VWA8: variants seen among roughly 807,000 people sequenced by gnomAD.
VWA8 encodes von Willebrand factor A domain containing 8.
In VWA8, 221 loss-of-function variants were observed where a neutral mutation model predicts 241.5. That is an observed-to-expected ratio of 0.91 (90% confidence interval 0.82 to 1.02). The LOEUF (loss-of-function observed/expected upper bound fraction) is 1.02. Among genes scored for constraint, VWA8 ranks in the 50% least tolerant of loss-of-function variants. VWA8 has a pLI of 0.00. For missense variants in VWA8, 2,322 were observed against 2,328.7 expected, an observed-to-expected ratio of 1.00 and a Z score of 0.06; for synonymous variants, 852 against 827.1, an observed-to-expected ratio of 1.03 and a Z score of -0.52.
rs371027483 is a variant in VWA8, at chr13:41,816,680, G to A, written c.1947+18C>T. On this transcript the variant is annotated intron_variant, in intron 16 of 44. Coordinates refer to ENST00000379310, the MANE Select transcript of VWA8 (RefSeq NM_015058.2). ...CATGTCAACAATAGAAAATCCTGTG[G>A]AAAAAGCCTAGACTTACCGTTGGAT... The A allele has an allele frequency of 8.1e-6, 13 of 1,601,664 alleles. No individual in the cohort carries two copies. The African/African-American group carries it at 1.6e-4, about 20-fold the overall frequency.
intron 21 of VWA8, among the ~76,000 whole-genome samples, chr13:41,753,460 A>G (rs2045670806): frequency 6.6e-6 from 1 of 152,198 alleles, no homozygotes; most frequent in South Asian, 2.1e-4. Context: ...TTAACATAAC[A>G]TCATAGAAAA....
In VWA8 at chr13:41,723,596, T is replaced by C. The variant is rs991872596; in HGVS notation, c.2759-2021A>G. On this transcript the variant is annotated intron_variant, in intron 24 of 44. Coordinates refer to ENST00000379310, the MANE Select transcript of VWA8 (RefSeq NM_015058.2). ...ATGGGGAAAGTAAGATAATTCTGAATATATTTCGAGGGTATAGCCAATAAG... is the reference window on the plus strand; with the variant it reads ...ATGGGGAAAGTAAGATAATTCTGAACATATTTCGAGGGTATAGCCAATAAG... 7.2e-5 allele frequency among the ~76,000 whole-genome samples: 11 copies of C among 152,170 alleles called. No individual in the cohort carries two copies. In the East Asian group the frequency reaches 2.1e-3, roughly 29 times the overall value.
chr13:41,779,982 CT>C (rs1868812106), intron 19 of VWA8, among the ~76,000 whole-genome samples: 1 of 152,136 alleles, frequency 6.6e-6, no homozygotes, highest in Non-Finnish European at 1.5e-5. Context: ...TAAAAGTCTC[CT>C]CTCCCAGTTA....
At chr13:41,868,657 G>A (rs1026036677) in intron 9 of VWA8, among the ~76,000 whole-genome samples, 180 bp from the exon 10 acceptor site, 6 of 151,948 alleles carry the variant, frequency 3.9e-5, no homozygotes. Context: ...AGGCCAAGGC[G>A]GGCGGATCAG....
intron 37 of VWA8, among the ~76,000 whole-genome samples, chr13:41,652,937 C>G (rs1341796838): frequency 6.6e-6 from 1 of 152,094 alleles, no homozygotes. Flanking sequence ...TGAAATACTC[C>G]TGTTCTAAGC....
chr13:41,904,256 T>G (rs1395547972), intron 4 of VWA8, among the ~76,000 whole-genome samples: 1 of 152,154 alleles, frequency 6.6e-6, no homozygotes, highest in African/African-American at 2.4e-5. Flanking sequence ...AGTGTTAAGC[T>G]CTCCTTAAAA....
At chr13:41,650,787 C>T (rs996033043) in intron 37 of VWA8, among the ~76,000 whole-genome samples, 3 of 151,976 alleles carry the variant, frequency 2.0e-5, no homozygotes, top group Middle Eastern at 3.2e-3. Flanking sequence ...ATAGGGATGC[C>T]GAGGAGGGAG....
At chr13:41,681,364 C>T (rs2045097323) in intron 35 of VWA8, among the ~76,000 whole-genome samples, 1 of 152,114 alleles carries the variant, frequency 6.6e-6, no homozygotes, top group African/African-American at 2.4e-5. Context: ...GCCTACCTTC[C>T]CATTTTCTAA....
chr13:41,587,729 G>C lies in VWA8; in HGVS notation c.5113-59C>G, dbSNP rs2044428634. On this transcript the variant is annotated intron_variant, in intron 41 of 44. Transcript: ENST00000379310. ...AACTGGCAAACTTCCCCTGGTGGCT[G>C]TCTTGGGGATCTCACAGAAGCTCCA... 3.1e-6 allele frequency: 5 copies of C among 1,596,054 alleles called. No homozygotes were observed. In the Admixed American group the frequency reaches 8.5e-5, roughly 27 times the overall value.
intron 18 of VWA8, among the ~76,000 whole-genome samples, chr13:41,784,717 T>TACACAC (rs1566456279): frequency 1.3e-5 from 1 of 74,732 alleles, no homozygotes; most frequent in East Asian, 4.2e-4. Flanking sequence ...TATATATATA[T>TACACAC]ATATATATAT....
At chr13:41,758,646 T>G (rs2045717435) in intron 21 of VWA8, among the ~76,000 whole-genome samples, 1 of 150,698 alleles carries the variant, frequency 6.6e-6, no homozygotes, top group Non-Finnish European at 1.5e-5. Flanking sequence ...CATGCAATTG[T>G]GTCATCTATA....
At chr13:41,810,407 G>C (rs1330058311) in intron 17 of VWA8, among the ~76,000 whole-genome samples, 1 of 151,958 alleles carries the variant, frequency 6.6e-6, no homozygotes, top group African/African-American at 2.4e-5. Flanking sequence ...GGATAATGTT[G>C]TACACACACA....
intron 12 of VWA8, among the ~76,000 whole-genome samples, chr13:41,839,729 T>C (rs1871907042): frequency 6.6e-6 from 1 of 152,206 alleles, no homozygotes; most frequent in Admixed American, 6.5e-5. Flanking sequence ...ATCTGAGGCA[T>C]CTGTTCTGTT....
chr13:41,806,661 C>A (rs1448479031), intron 17 of VWA8, among the ~76,000 whole-genome samples: 1 of 152,090 alleles, frequency 6.6e-6, no homozygotes, highest in African/African-American at 2.4e-5. Context: ...CAAGATCATG[C>A]CACTGCACTC....
At chr13:41,824,616 C>T (rs562789601) in intron 14 of VWA8, among the ~76,000 whole-genome samples, 1 of 151,934 alleles carries the variant, frequency 6.6e-6, no homozygotes, top group Non-Finnish European at 1.5e-5. Flanking sequence ...CTGCTTGAGG[C>T]TAGGAGTTCA....
At chr13:41,910,592 C>CAA (rs543346559) in intron 3 of VWA8, among the ~76,000 whole-genome samples, 1 of 130,758 alleles carries the variant, frequency 7.6e-6, no homozygotes, top group Non-Finnish European at 1.7e-5. Context: ...TCAAAAAAAA[C>CAA]AAAAAAAAAA....
chr13:41,869,325 G>A (rs1404466772), intron 9 of VWA8, among the ~76,000 whole-genome samples: 1 of 151,980 alleles, frequency 6.6e-6, no homozygotes, highest in Non-Finnish European at 1.5e-5. Context: ...CTCAATATTT[G>A]TTGAACTGGA....
intron 24 of VWA8, among the ~76,000 whole-genome samples, chr13:41,721,940 C>T (rs573920800): frequency 2.0e-5 from 3 of 151,740 alleles, no homozygotes; most frequent in South Asian, 4.2e-4. Context: ...TTTTTCCAGA[C>T]CTGTATTAGC....
chr13:41,661,956 T>A (rs932637274), intron 37 of VWA8, among the ~76,000 whole-genome samples: 1 of 152,214 alleles, frequency 6.6e-6, no homozygotes, highest in South Asian at 2.1e-4. Context: ...GTTGGCAATA[T>A]GTCTGTGGGT....
Sources: gnomAD v4.1 joint callset for allele counts (sites outside exome capture counted in the v4.1 genomes callset) on GRCh38, gnomAD v4.1.1 for gene constraint, MANE v1.5 for transcripts, NCBI Gene and HGNC (gene_info 2026-07-23, HGNC 2026-07-21) for gene names.